The following ERC2 variants were observed in gnomAD, a reference collection of about 807,000 sequenced individuals.
ERC2 encodes the protein ELKS/RAB6-interacting/CAST family member 2, also known as ERC protein 2.
Under a neutral mutation model 114.8 loss-of-function variants are expected in ERC2, and 42 were observed. The ratio of observed to expected loss-of-function variants is 0.37; its 90% confidence interval spans 0.29 to 0.47. The LOEUF (loss-of-function observed/expected upper bound fraction) is 0.47. Ranked by LOEUF, ERC2 falls within the 20% of genes least tolerant of loss-of-function variation. The pLI is 0.99. For synonymous variants in ERC2, 454 were observed against 425.5 expected, an observed-to-expected ratio of 1.07 and a Z score of -0.82; for missense variants, 939 against 1,150.7, an observed-to-expected ratio of 0.82 and a Z score of 2.66.
chr3:56,273,258 C>CTTTTTTTT lies in ERC2; in HGVS notation c.1074+22760_1074+22761insAAAAAAAA, dbSNP rs1206517864. Among the ~76,000 whole-genome samples, 4 of 94,740 alleles carry CTTTTTTTT rather than the reference C, an allele frequency of 4.2e-5. 2 individuals are homozygous for CTTTTTTTT. 62.2% of individuals were successfully genotyped at this position (94,740 alleles called of 152,430 possible). On this transcript the variant is annotated intron_variant, in intron 3 of 17. Transcript: ENST00000288221. ...CAAGGACACCTCCCACTTTTTTTTTCTTTCTTTTTTTTTTTTTTTTGGTGA... is the reference window on the plus strand; with the variant it reads ...CAAGGACACCTCCCACTTTTTTTTTCTTTTTTTTTTTCTTTTTTTTTTTTTTTTGGTGA...
At chr3:55,605,552 G>C (rs2058606875) in intron 17 of ERC2, among the ~76,000 whole-genome samples, 1 of 152,228 alleles carries the variant, frequency 6.6e-6, no homozygotes, top group Non-Finnish European at 1.5e-5. Flanking sequence ...TACTCTGAAA[G>C]GAAATAGATC....
intron 2 of ERC2, among the ~76,000 whole-genome samples, chr3:56,409,224 GC>G (rs2060846460): frequency 6.6e-6 from 1 of 152,084 alleles, no homozygotes; most frequent in Admixed American, 6.5e-5. Flanking sequence ...ATGTGTCCAG[GC>G]TCACCAAATT....
intron 7 of ERC2, among the ~76,000 whole-genome samples, chr3:56,032,858 G>GGAAAGAAAGAAAGAAAGAAAGAAAAAA: frequency 1.5e-5 from 1 of 68,926 alleles, no homozygotes; most frequent in Non-Finnish European, 3.2e-5. Flanking sequence ...AAGAAAGAAA[G>GGAAAGAAAGAAAGAAAGAAAGAAAAAA]GAAAGAAAGA....
intron 6 of ERC2, among the ~76,000 whole-genome samples, chr3:56,081,785 A>G (rs2077247093): frequency 6.6e-6 from 1 of 152,184 alleles, no homozygotes; most frequent in African/African-American, 2.4e-5. Flanking sequence ...GTGGTAAAAA[A>G]GAAATGAGAC....
At chr3:55,596,860 A>G (rs957703042) in intron 17 of ERC2, among the ~76,000 whole-genome samples, 1 of 152,226 alleles carries the variant, frequency 6.6e-6, no homozygotes, top group Non-Finnish European at 1.5e-5. Flanking sequence ...GACTGAATCC[A>G]TAATGATTAT....
At chr3:55,805,513 G>A (rs4129823) in intron 14 of ERC2, among the ~76,000 whole-genome samples, 20,986 of 151,204 alleles carry the variant, frequency 0.14, 1,672 homozygotes, top group East Asian at 0.22. Flanking sequence ...GGGGTTGCTC[G>A]AATGATTGAC....
chr3:55,861,222 C>T (rs1410803374), intron 14 of ERC2, among the ~76,000 whole-genome samples: 1 of 152,190 alleles, frequency 6.6e-6, no homozygotes, highest in Non-Finnish European at 1.5e-5. Flanking sequence ...TGCTAGACAT[C>T]AAAGGCAGAT....
intron 15 of ERC2, among the ~76,000 whole-genome samples, chr3:55,729,757 G>A (rs2065129515): frequency 7.0e-6 from 1 of 143,256 alleles, no homozygotes; most frequent in Non-Finnish European, 1.5e-5. Context: ...AGTATCGCTA[G>A]AGCCCAGGAG....
intron 17 of ERC2, among the ~76,000 whole-genome samples, chr3:55,536,503 A>G (rs932284025): frequency 3.3e-5 from 5 of 152,206 alleles, no homozygotes; most frequent in Non-Finnish European, 5.9e-5. Context: ...ATAAGCACAT[A>G]TTGTATTGAT....
chr3:55,726,368 A>T (rs774341257), intron 15 of ERC2, among the ~76,000 whole-genome samples: 6 of 152,234 alleles, frequency 3.9e-5, no homozygotes, highest in Non-Finnish European at 8.8e-5. Flanking sequence ...GGTAATTAAA[A>T]GTCATCTGCA....
chr3:55,633,078 C>T (rs2059819937), intron 17 of ERC2, among the ~76,000 whole-genome samples: 1 of 152,154 alleles, frequency 6.6e-6, no homozygotes, highest in Admixed American at 6.5e-5. Flanking sequence ...ACATGAGTAA[C>T]CTCCCTCTTT....
At chr3:55,872,759 C>A (rs2062643218) in intron 14 of ERC2, among the ~76,000 whole-genome samples, 1 of 152,090 alleles carries the variant, frequency 6.6e-6, no homozygotes. Context: ...TGGTCTGGGC[C>A]CCTCTGCCTC....
At chr3:55,857,053 T>G (rs1190408800) in intron 14 of ERC2, among the ~76,000 whole-genome samples, 3 of 151,974 alleles carry the variant, frequency 2.0e-5, no homozygotes, top group African/African-American at 4.8e-5. Flanking sequence ...GTATGAGTAT[T>G]TTTTTGGGGG....
chr3:56,431,202 CAGCAAT>C (rs1677538210), intron 2 of ERC2, among the ~76,000 whole-genome samples: 1 of 152,200 alleles, frequency 6.6e-6, no homozygotes, highest in African/African-American at 2.4e-5. Context: ...ATAGAAACAA[CAGCAAT>C]AGCAGAAGAT....
intron 2 of ERC2, among the ~76,000 whole-genome samples, chr3:56,363,365 C>T (rs1040591014): frequency 3.3e-5 from 5 of 152,126 alleles, no homozygotes; most frequent in Non-Finnish European, 5.9e-5. Context: ...AATACTCATG[C>T]CTGCCAACTC....
chr3:56,434,909 A>G lies in ERC2; in HGVS notation c.99T>C (p.Ser33=). The change falls in exon 2 of 18, where the codon AGT becomes AGC. Residue 33 remains serine, a synonymous_variant. Coordinates refer to ENST00000288221, the MANE Select transcript of ERC2 (RefSeq NM_015576.3). Reference sequence around the variant, plus strand: ...TGCCTGTTCCTCCACCTCCCCCACTACTTGTTCTTCGGTGGCCCAAACGAG... The same window carrying G: ...TGCCTGTTCCTCCACCTCCCCCACTGCTTGTTCTTCGGTGGCCCAAACGAG... ...RSPRLGHRRT[S]SGGGGGTGKT... The G allele has an allele frequency of 6.2e-7, 1 of 1,612,668 alleles. No individual in the cohort carries two copies. Among genetic ancestry groups the G allele is most frequent in the Non-Finnish European group, 8.5e-7 (1 of 1,179,466 alleles).
At chr3:55,742,215 C>T (rs2066009241) in intron 14 of ERC2, among the ~76,000 whole-genome samples, 1 of 152,090 alleles carries the variant, frequency 6.6e-6, no homozygotes, top group Non-Finnish European at 1.5e-5. Context: ...AAAGAGAGTT[C>T]CAGGATCCTC....
intron 14 of ERC2, among the ~76,000 whole-genome samples, chr3:55,772,224 C>T (rs2068260779): frequency 6.6e-6 from 1 of 152,058 alleles, no homozygotes. Flanking sequence ...CTCACTGCAA[C>T]TTCCGCCACC....
intron 2 of ERC2, among the ~76,000 whole-genome samples, chr3:56,318,253 C>G (rs1294775096): frequency 1.3e-5 from 2 of 152,208 alleles, no homozygotes; most frequent in East Asian, 3.8e-4. Context: ...GTGGCATGAT[C>G]ATGGCTCACT....
Sources: gnomAD v4.1 joint callset for allele counts (sites outside exome capture counted in the v4.1 genomes callset) on GRCh38, gnomAD v4.1.1 for gene constraint, MANE v1.5 for transcripts, NCBI Gene and HGNC (gene_info 2026-07-23, HGNC 2026-07-21) for gene names.